CRBN: variants seen among roughly 807,000 people sequenced by gnomAD.
CRBN encodes cereblon.
CRBN carries 53 observed loss-of-function variants against 62.2 expected under a neutral mutation model. The observed-to-expected ratio is 0.85, with a 90% CI of 0.68 to 1.07. CRBN has a LOEUF of 1.07. Among genes scored for constraint, CRBN ranks in the 50% least tolerant of loss-of-function variants. The pLI is 0.00. For missense variants in CRBN, 616 were observed against 531.1 expected (o/e 1.16, Z -1.57); for synonymous variants, 208 against 176.1 (o/e 1.18, Z -1.43).
At chr3:3,162,798 C>A (rs1246669843) in intron 5 of CRBN, among the ~76,000 whole-genome samples, 2 of 152,182 alleles carry the variant, frequency 1.3e-5, no homozygotes, top group Non-Finnish European at 2.9e-5. Context: ...AACTACTACT[C>A]AGACACAGAG....
chr3:3,173,546 C>G (rs1371787172), intron 3 of CRBN, among the ~76,000 whole-genome samples: 1 of 152,182 alleles, frequency 6.6e-6, no homozygotes, highest in African/African-American at 2.4e-5. Flanking sequence ...CTGCTGCTTA[C>G]TGGCAGCACT....
At chr3:3,171,802 C>T (rs183112341) in intron 4 of CRBN, among the ~76,000 whole-genome samples, 39 of 152,208 alleles carry the variant, frequency 2.6e-4, no homozygotes, top group African/African-American at 7.5e-4. Flanking sequence ...CCAAAAAAAC[C>T]CCAAAATACT....
chr3:3,169,474 A>ACAG (rs1553562364), intron 4 of CRBN, among the ~76,000 whole-genome samples: 1 of 151,838 alleles, frequency 6.6e-6, no homozygotes, highest in Non-Finnish European at 1.5e-5. Flanking sequence ...GACTACTCTA[A>ACAG]TAGGAAAAAA....
At chr3:3,171,256 T>C (rs1707599159) in intron 4 of CRBN, among the ~76,000 whole-genome samples, 1 of 152,194 alleles carries the variant, frequency 6.6e-6, no homozygotes, top group African/African-American at 2.4e-5. Flanking sequence ...CCAAGTCAAT[T>C]TTCCTTAATG....
chr3:3,154,600 A>G, intron 7 of CRBN, 147 bp downstream of exon 7: 1 of 632,014 alleles, frequency 1.6e-6, no homozygotes, highest in South Asian at 1.8e-5. Flanking sequence ...TTTTTTTTCA[A>G]CTGCTCAAAG....
chr3:3,168,718 T>G (rs1707458551), intron 4 of CRBN, among the ~76,000 whole-genome samples: 2 of 152,206 alleles, frequency 1.3e-5, no homozygotes. Context: ...TTCTGACATT[T>G]TACTTATTTA....
At chr3:3,174,574 G>T (rs1312641092) in intron 2 of CRBN, among the ~76,000 whole-genome samples, 4 of 152,142 alleles carry the variant, frequency 2.6e-5, no homozygotes, top group Middle Eastern at 3.2e-3. Flanking sequence ...CTGGAAGGTG[G>T]AGGCTGCAGT....
rs952604870 is a variant in CRBN, at chr3:3,154,121, G to A, written c.836-46C>T. 1.2e-5 allele frequency: 13 copies of A among 1,113,882 alleles called. No individual in the cohort carries two copies. The African/African-American group carries it at 2.0e-4, about 17-fold the overall frequency. The allele number at this position is 1,113,882 out of a possible 1,614,324, so 69.0% of individuals were successfully genotyped here. ...AGTTTTAAACTTAGGAGTCAGATAA[G>A]CATCAGAGAACTTACAAATCGGATA... On this transcript the variant is annotated intron_variant, in intron 7 of 10. Coordinates refer to ENST00000231948, the MANE Select transcript of CRBN (RefSeq NM_016302.4).
In CRBN at chr3:3,157,054, G is replaced by T. The variant is rs1287525518; in HGVS notation, c.688-773C>A. 1.2e-3 allele frequency among the ~76,000 whole-genome samples: 179 copies of T among 152,142 alleles called. 3 individuals carry two copies. Among genetic ancestry groups the T allele is most frequent in the Non-Finnish European group, 5.9e-5 (4 of 68,028 alleles). ...TACATATTCAGTGCAATACCAGTGA[G>T]AATGGAATTTATAAGTATAATTTAA... is the stretch of plus-strand genomic sequence containing the variant. On this transcript the variant is annotated intron_variant, in intron 5 of 10. Transcript: ENST00000231948.
Position 3,153,430 on chromosome 3 carries a change from A to G in CRBN, c.1010T>C (p.Ile337Thr). ...AACGTAATAAAGACCTTACCTGAAT[A>G]TTTCATTTTTGGTTGTTATTTCTGT... ...QETEITTKNE[I>T]FSLSLCGPMA... is the part of the protein sequence containing the mutation. Residue 337 changes from isoleucine (I) to threonine (T), a missense_variant, in exon 9 of 11, where the codon ATA becomes ACA. Transcript: ENST00000231948. 1 of 1,519,394 alleles carries G rather than the reference A, an allele frequency of 6.6e-7. No homozygotes were observed. The highest frequency in any genetic ancestry group is 9.1e-7 in the Non-Finnish European group (1 of 1,093,966). The allele number at this position is 1,519,394 out of a possible 1,614,324, so 94.1% of individuals were successfully genotyped here.
chr3:3,156,160 G>A, intron 6 of CRBN, 59 bp downstream of exon 6: 2 of 1,381,012 alleles, frequency 1.4e-6, no homozygotes, highest in Admixed American at 1.7e-5. Context: ...GTTTTTTAAT[G>A]ACCCTTAATT....
rs1706761058 is a variant in CRBN, at chr3:3,154,063, C to T, written c.848G>A (p.Arg283Lys). Residue 283 changes from arginine (R) to lysine (K), a missense_variant, in exon 8 of 11, where the codon AGA becomes AAA. Physicochemically the swap from Arg to Lys is conservative, Grantham distance 26 (BLOSUM62 2). Transcript: ENST00000231948. ...LPSNPIDFSY[R>K]VAACLPIDDV... Reference sequence around the variant, plus strand: ...ATCAATAGGAAGACAAGCAGCTACTCTGTAAGAAAAATCTTCAAGACATGG... The same window carrying T: ...ATCAATAGGAAGACAAGCAGCTACTTTGTAAGAAAAATCTTCAAGACATGG... 1 of 1,609,760 alleles carries T rather than the reference C, an allele frequency of 6.2e-7. No homozygotes were observed. The highest frequency in any genetic ancestry group is 1.3e-5 in the African/African-American group (1 of 74,864).
chr3:3,152,449 A>G lies in CRBN; in HGVS notation c.1148+7T>C. 1.9e-6 allele frequency: 3 copies of G among 1,613,746 alleles called. No individual in the cohort carries two copies. Among genetic ancestry groups the G allele is most frequent in the East Asian group, 4.5e-5 (2 of 44,876 alleles). Reference sequence around the variant, plus strand: ...AAAAAAAAAAGCAACCACCACCATAATATTACCCAGGAAACCAGCTGTGTT... The same window carrying G: ...AAAAAAAAAAGCAACCACCACCATAGTATTACCCAGGAAACCAGCTGTGTT... On this transcript the variant is annotated splice_region_variant and intron_variant, in intron 10 of 10. Transcript: ENST00000231948.
chr3:3,153,697 G>A (rs1204112498), intron 8 of CRBN: 7 of 614,720 alleles, frequency 1.1e-5, no homozygotes, highest in Non-Finnish European at 2.0e-5. Flanking sequence ...AAAACTAAAT[G>A]ACCTTCTCTA....
chr3:3,153,887 G>T, intron 8 of CRBN, 73 bp downstream of exon 8: 1 of 899,294 alleles, frequency 1.1e-6, no homozygotes, highest in South Asian at 1.3e-5. Flanking sequence ...GAGCTCCATT[G>T]GCCCCAACAG....
intron 10 of CRBN, among the ~76,000 whole-genome samples, chr3:3,152,166 A>AAT (rs772777865): frequency 0.036 from 2,248 of 62,866 alleles, 19 homozygotes; most frequent in Non-Finnish European, 0.071. Flanking sequence ...TTTTTTTTTT[A>AAT]AATAGACAGA....
chr3:3,151,499 T>A (rs895691368), intron 10 of CRBN, among the ~76,000 whole-genome samples: 1 of 42,832 alleles, frequency 2.3e-5, no homozygotes, highest in Non-Finnish European at 8.5e-5. Flanking sequence ...AAAGTAAATA[T>A]TTATATTCTA....
chr3:3,152,451 A>C lies in CRBN; in HGVS notation c.1148+5T>G. On this transcript the variant is annotated splice_donor_5th_base_variant and intron_variant, in intron 10 of 10. Coordinates refer to ENST00000231948, the MANE Select transcript of CRBN (RefSeq NM_016302.4). ...AAAAAAAAGCAACCACCACCATAAT[A>C]TTACCCAGGAAACCAGCTGTGTTCT... is the stretch of plus-strand genomic sequence containing the variant. 6.2e-7 allele frequency: 1 copy of C among 1,613,554 alleles called. No individual in the cohort carries two copies. The highest frequency in any genetic ancestry group is 8.5e-7 in the Non-Finnish European group (1 of 1,179,890).
At position 3,152,522 on chromosome 3, in the gene CRBN, G is replaced by T. The variant is rs774342557; in HGVS notation, c.1082C>A (p.Thr361Asn). 6.2e-7 allele frequency: 1 copy of T among 1,613,878 alleles called. No individual in the cohort carries two copies. The highest frequency in any genetic ancestry group is 1.1e-5 in the South Asian group (1 of 91,060). The part of the protein sequence containing the change: ...NPHGYVHETL[T>N]VYKACNLNLI... ...ATTCAAGTTGCAAGCCTTATACACA[G>T]TAAGTGTCTCATGCACATATCCATG... The change falls in exon 10 of 11, where the codon ACT becomes AAT. Residue 361 changes from threonine (T) to asparagine (N), a missense_variant. Thr to Asn is a moderately conservative substitution (Grantham distance 65, BLOSUM62 0). Coordinates refer to ENST00000231948, the MANE Select transcript of CRBN (RefSeq NM_016302.4).
Sources: allele counts gnomAD v4.1 joint callset (sites outside exome capture counted in the v4.1 genomes callset), GRCh38; gene constraint gnomAD v4.1.1; transcripts MANE v1.5; gene names NCBI Gene and HGNC (gene_info 2026-07-23, HGNC 2026-07-21).